Variants in SLC8A1 observed in about 807,000 individuals in gnomAD.
SLC8A1 encodes sodium/calcium exchanger 1.
In SLC8A1, 18 loss-of-function variants were observed where a neutral mutation model predicts 68.3. That is an observed-to-expected ratio of 0.26 (90% confidence interval 0.18 to 0.39). The LOEUF is 0.39. Ranked by LOEUF, SLC8A1 falls within the 10% of genes least tolerant of loss-of-function variation. The pLI is 1.00. For synonymous variants in SLC8A1, 475 were observed against 415.5 expected (o/e 1.14, Z -1.74); for missense variants, 985 against 1,156.7 (o/e 0.85, Z 2.15).
intron 2 of SLC8A1, among the ~76,000 whole-genome samples, chr2:40,408,621 G>A (rs1691123682): frequency 6.6e-6 from 1 of 152,082 alleles, no homozygotes; most frequent in Admixed American, 6.6e-5. Context: ...CCCAACTGTG[G>A]GAATTGAAAC....
At chr2:40,300,096 C>T (rs150177566) in intron 2 of SLC8A1, among the ~76,000 whole-genome samples, 8 of 152,280 alleles carry the variant, frequency 5.3e-5, no homozygotes, top group African/African-American at 1.7e-4. Context: ...GCCACAGGAT[C>T]TTCTAAGTCT....
intron 2 of SLC8A1, among the ~76,000 whole-genome samples, chr2:40,257,595 A>G (rs558466425): frequency 1.3e-5 from 2 of 152,302 alleles, no homozygotes; most frequent in East Asian, 1.9e-4. Context: ...CATTTTATCA[A>G]CACTCCCCCT....
chr2:40,231,477 G>T (rs1037007769), intron 2 of SLC8A1, among the ~76,000 whole-genome samples: 1 of 151,868 alleles, frequency 6.6e-6, no homozygotes, highest in Non-Finnish European at 1.5e-5. Context: ...GCTATATCTA[G>T]TCCCCCACTT....
intron 2 of SLC8A1, among the ~76,000 whole-genome samples, chr2:40,237,133 T>C (rs542618412): frequency 6.6e-6 from 1 of 152,050 alleles, no homozygotes; most frequent in African/African-American, 2.4e-5. Flanking sequence ...CTGTATTTCC[T>C]GAATCTGAAC....
At chr2:40,268,636 T>A (rs988162209) in intron 2 of SLC8A1, among the ~76,000 whole-genome samples, 1 of 152,136 alleles carries the variant, frequency 6.6e-6, no homozygotes, top group African/African-American at 2.4e-5. Context: ...TGAAATCCTA[T>A]GTACGTGTAT....
rs553773779 is a variant in SLC8A1 at position 40,264,016 on chromosome 2, A to C, written c.1809-86161T>G. 8.5e-5 allele frequency among the ~76,000 whole-genome samples: 13 copies of C among 152,298 alleles called. No individual in the cohort carries two copies. The South Asian group carries it at 2.7e-3, about 32-fold the overall frequency. On this transcript the variant is annotated intron_variant, in intron 2 of 7. Coordinates refer to ENST00000406785, the Ensembl canonical transcript of SLC8A1. ...ACAAATTTACAAGAAAAAAACAAAC[A>C]ACCCCATCAAAAAGTAGGTGAAGGA...
At chr2:40,278,765 C>T (rs1056898297) in intron 2 of SLC8A1, among the ~76,000 whole-genome samples, 2 of 149,892 alleles carry the variant, frequency 1.3e-5, no homozygotes, top group Non-Finnish European at 3.0e-5. Flanking sequence ...TGCTCTTAGT[C>T]TTCTACTAAT....
intron 1 of SLC8A1, among the ~76,000 whole-genome samples, chr2:40,450,464 C>G (rs1702238501): frequency 6.6e-6 from 1 of 152,016 alleles, no homozygotes; most frequent in Admixed American, 6.6e-5. Flanking sequence ...AATCTTCGCA[C>G]AAGTCTCAGA....
intron 2 of SLC8A1, among the ~76,000 whole-genome samples, chr2:40,403,633 T>G (rs988315057): frequency 2.0e-5 from 3 of 152,226 alleles, no homozygotes; most frequent in African/African-American, 7.2e-5. Context: ...CTGGAAGACC[T>G]TGCAGTTATA....
chr2:40,448,364 G>C (rs958260277), intron 1 of SLC8A1, among the ~76,000 whole-genome samples: 2 of 152,162 alleles, frequency 1.3e-5, no homozygotes, highest in African/African-American at 2.4e-5. Flanking sequence ...GGCCCCATTG[G>C]ACTAGTCCTG....
In SLC8A1 at chr2:40,377,784, C is replaced by T. The variant is rs1680405082; in HGVS notation, c.1808+50689G>A. Among the ~76,000 whole-genome samples, 2 of 152,120 alleles carry T rather than the reference C, an allele frequency of 1.3e-5. 1 individual carries two copies. The highest frequency in any genetic ancestry group is 1.3e-4 in the Admixed American group (2 of 15,258). On this transcript the variant is annotated intron_variant, in intron 2 of 7. Transcript: ENST00000406785. ...CTCCAATCAGGTCTACTTCTACTAC[C>T]TTCTCCCTGTTATAGATGACAAAGT...
At position 40,463,706 on chromosome 2, in the gene SLC8A1, C is replaced by T. The variant is rs546723549; in HGVS notation, c.-24-33402G>A. On this transcript the variant is annotated intron_variant, in intron 1 of 7. Transcript: ENST00000402441. ...ATGACCAGAATTATCCACCAGATTG[C>T]TTTTCAGATTGCTTGGTGGAATCTT... Among the ~76,000 whole-genome samples the T allele has an allele frequency of 5.9e-5, 9 of 152,132 alleles. No homozygotes were observed. The South Asian group carries it at 1.2e-3, about 21-fold the overall frequency.
chr2:40,178,299 G>T (rs961422478), intron 2 of SLC8A1, 88 bp downstream of exon 3: 6 of 963,864 alleles, frequency 6.2e-6, no homozygotes, highest in African/African-American at 1.6e-5. Context: ...TGTGTGCATT[G>T]TAAGTCATGT....
At position 40,487,504 on chromosome 2, in the gene SLC8A1, A is replaced by C. The variant is rs1465352461; in HGVS notation, c.-25+24845T>G. 4.6e-5 allele frequency among the ~76,000 whole-genome samples: 7 copies of C among 152,146 alleles called. No homozygotes were observed. In the East Asian group the frequency reaches 1.3e-3, roughly 29 times the overall value. On this transcript the variant is annotated intron_variant, in intron 1 of 7. Transcript: ENST00000402441. The stretch of plus-strand genomic sequence containing the variant: ...AGAGCTCTTAACTGTCTTCTTAAAA[A>C]CTGCTTTTGTGAAAGCAATTTTATC...
At chr2:40,447,582 C>A (rs1194165481) in intron 1 of SLC8A1, among the ~76,000 whole-genome samples, 2 of 101,478 alleles carry the variant, frequency 2.0e-5, no homozygotes, top group Admixed American at 1.2e-4. Context: ...ATAAACCAAT[C>A]CAAGTTAAAA....
At chr2:40,394,444 T>C (rs140887560) in intron 2 of SLC8A1, among the ~76,000 whole-genome samples, 29 of 151,884 alleles carry the variant, frequency 1.9e-4, no homozygotes, top group African/African-American at 7.0e-4. Flanking sequence ...TTTCTGTTAG[T>C]GTGTGTGTGT....
intron 2 of SLC8A1, among the ~76,000 whole-genome samples, chr2:40,181,671 A>C (rs13015421): frequency 0.021 from 3,167 of 152,306 alleles, 64 homozygotes; most frequent in African/African-American, 0.051. Flanking sequence ...GGCAGGATGA[A>C]GTCAGTCCTT....
chr2:40,361,373 C>T (rs908618897), intron 2 of SLC8A1, among the ~76,000 whole-genome samples: 1 of 151,940 alleles, frequency 6.6e-6, no homozygotes, highest in African/African-American at 2.4e-5. Flanking sequence ...TTTGGAAGAT[C>T]AGTTGGGCAC....
intron 7 of SLC8A1, among the ~76,000 whole-genome samples, chr2:40,127,429 A>T (rs2038365018): frequency 6.6e-6 from 1 of 152,176 alleles, no homozygotes. Context: ...CTAATGTGAT[A>T]ACTGGGTTAG....
Sources: gnomAD v4.1 joint callset for allele counts (sites outside exome capture counted in the v4.1 genomes callset) on GRCh38, gnomAD v4.1.1 for gene constraint, MANE v1.5 for transcripts, NCBI Gene and HGNC (gene_info 2026-07-23, HGNC 2026-07-21) for gene names.